MAP4K3: variants seen among roughly 807,000 people sequenced by gnomAD.
The protein encoded by MAP4K3 is mitogen-activated protein kinase kinase kinase kinase 3, also known as MAPK/ERK kinase kinase kinase 3.
A neutral mutation model predicts 143.5 loss-of-function variants in MAP4K3; 94 were observed. The observed-to-expected ratio is 0.65, with a 90% CI of 0.55 to 0.78. The LOEUF (loss-of-function observed/expected upper bound fraction) is 0.78, where lower values mean the gene tolerates loss of function less well. Ranked by LOEUF, MAP4K3 falls within the 30% of genes least tolerant of loss-of-function variation. The probability of loss-of-function intolerance (pLI) is 0.00; values close to 1 mark genes in which losing one functional copy is unlikely to be tolerated. For synonymous variants in MAP4K3, 416 were observed against 347.2 expected (o/e 1.20, Z -2.20); for missense variants, 1,077 against 1,068.1 (o/e 1.01, Z -0.12).
intron 7 of MAP4K3, 68 bp from the exon 8 acceptor site, chr2:39,332,057 A>G: frequency 1.2e-6 from 1 of 841,256 alleles, no homozygotes; most frequent in Non-Finnish European, 1.8e-6. Flanking sequence ...CAACATAAAA[A>G]GAAACTTTTA....
intron 21 of MAP4K3, among the ~76,000 whole-genome samples, chr2:39,284,239 G>A (rs1482362992): frequency 2.0e-5 from 3 of 151,940 alleles, no homozygotes; most frequent in Non-Finnish European, 2.9e-5. Flanking sequence ...TCGGGTCACT[G>A]CAACCTCTGC....
chr2:39,287,118 G>C (rs538024500), intron 20 of MAP4K3, among the ~76,000 whole-genome samples, 154 bp from the exon 21 acceptor site: 1 of 152,080 alleles, frequency 6.6e-6, no homozygotes, highest in African/African-American at 2.4e-5. Flanking sequence ...AAAGTAAGAC[G>C]TCATTTATAT....
At position 39,413,017 on chromosome 2, in the gene MAP4K3, G is replaced by C. The variant is rs550209741; in HGVS notation, c.96+23875C>G. Among the ~76,000 whole-genome samples the C allele has an allele frequency of 5.7e-4, 86 of 152,194 alleles. 1 individual carries two copies. Among genetic ancestry groups the C allele is most frequent in the Non-Finnish European group, 9.3e-4 (63 of 68,002 alleles). ...ATTGTCTATTACATGCAACTAACTT[G>C]TCTACCTCACTGAAGTGACTAACGA... is the stretch of plus-strand genomic sequence containing the variant. On this transcript the variant is annotated intron_variant, in intron 1 of 33. Coordinates refer to ENST00000263881, the MANE Select transcript of MAP4K3 (RefSeq NM_003618.4).
Position 39,272,483 on chromosome 2 carries a change from A to C in MAP4K3, c.1854T>G (p.Ser618=). The C allele has an allele frequency of 6.2e-7, 1 of 1,612,140 alleles. No homozygotes were observed. Among genetic ancestry groups the C allele is most frequent in the Non-Finnish European group, 8.5e-7 (1 of 1,178,364 alleles). The change falls in exon 25 of 34, where the codon TCT becomes TCG. Residue 618 remains serine, a splice_region_variant and synonymous_variant. Coordinates refer to ENST00000263881, the MANE Select transcript of MAP4K3 (RefSeq NM_003618.4). ...YVMNNCLLSI[S]GKASQLYSHN... ...GTATTTAAAAACTAATATACTTACCAGATATTGATAGCAAGCAATTGTTCA... is the reference window on the plus strand; with the variant it reads ...GTATTTAAAAACTAATATACTTACCCGATATTGATAGCAAGCAATTGTTCA...
intron 6 of MAP4K3, among the ~76,000 whole-genome samples, chr2:39,333,891 A>G (rs938468574): frequency 2.6e-5 from 4 of 152,030 alleles, no homozygotes; most frequent in Admixed American, 6.6e-5. Context: ...TCACCACACT[A>G]TAATGTAACC....
chr2:39,419,930 C>G (rs1037533810), intron 1 of MAP4K3, among the ~76,000 whole-genome samples: 11 of 152,114 alleles, frequency 7.2e-5, no homozygotes, highest in African/African-American at 2.4e-4. Context: ...CAGGCAAAAG[C>G]AAGGTATGGA....
chr2:39,365,168 G>A (rs946537100), intron 2 of MAP4K3, among the ~76,000 whole-genome samples: 1 of 152,092 alleles, frequency 6.6e-6, no homozygotes, highest in East Asian at 1.9e-4. Context: ...CTATACTAGA[G>A]TCAGGCTGGA....
At chr2:39,315,562 T>C in intron 12 of MAP4K3, 174 bp from the exon 13 acceptor site, 1 of 533,182 alleles carries the variant, frequency 1.9e-6, no homozygotes, top group African/African-American at 1.9e-5. Flanking sequence ...GCTCAAACTA[T>C]TAGGTGAAAA....
Position 39,272,332 on chromosome 2 carries a change from A to G in MAP4K3, c.1924T>C (p.Leu642=), listed in dbSNP as rs2148454954. Residue 642 remains leucine, a synonymous_variant, in exon 26 of 34, where the codon TTA becomes CTA. Coordinates refer to ENST00000263881, the MANE Select transcript of MAP4K3 (RefSeq NM_003618.4). ...LFDYARQMQK[L]PVAIPAHKLP... is the part of the protein sequence containing the mutation. ...TTGTGTGCTGGAATAGCAACAGGTA[A>G]CTTTTGCATTTGTCTTGCATAATCA... 2 of 1,613,876 alleles carry G rather than the reference A, an allele frequency of 1.2e-6. No individual in the cohort carries two copies. Among genetic ancestry groups the G allele is most frequent in the South Asian group, 2.2e-5 (2 of 91,078 alleles).
At chr2:39,262,085 G>A (rs946398805) in intron 28 of MAP4K3, among the ~76,000 whole-genome samples, 2 of 152,074 alleles carry the variant, frequency 1.3e-5, no homozygotes, top group African/African-American at 4.8e-5. Context: ...TAAACTGGCT[G>A]TGTTTTCACT....
intron 1 of MAP4K3, among the ~76,000 whole-genome samples, chr2:39,421,298 T>G (rs1279172160): frequency 6.6e-6 from 1 of 150,488 alleles, no homozygotes; most frequent in Non-Finnish European, 1.5e-5. Context: ...GCATGGGTTC[T>G]GGAAGTAAGA....
rs970989538 is a variant in MAP4K3 at position 39,250,416 on chromosome 2, A to T, written c.*202T>A. 15 of 513,744 alleles carry T rather than the reference A, an allele frequency of 2.9e-5. 1 individual carries two copies. The South Asian group carries it at 3.2e-4, about 11-fold the overall frequency. 31.8% of individuals were successfully genotyped at this position (513,744 alleles called of 1,614,324 possible). A position where few individuals can be genotyped will look rare whatever the true frequency, so the allele number is the denominator to read the frequency against. Reference sequence around the variant, plus strand: ...ATGTACAAAGATTACATAACAATGAATTAAGCACTTGTGTGGTTCAATATG... The same window carrying T: ...ATGTACAAAGATTACATAACAATGATTTAAGCACTTGTGTGGTTCAATATG... On this transcript the variant is annotated 3_prime_UTR_variant, in exon 34 of 34. Coordinates refer to ENST00000263881, the MANE Select transcript of MAP4K3 (RefSeq NM_003618.4).
At chr2:39,385,600 T>C (rs1666482589) in intron 1 of MAP4K3, among the ~76,000 whole-genome samples, 1 of 133,238 alleles carries the variant, frequency 7.5e-6, no homozygotes, top group South Asian at 2.4e-4. Flanking sequence ...ATATTCTATA[T>C]ATGAGTCCTT....
At chr2:39,323,820 C>T (rs933854802) in intron 12 of MAP4K3, 8 of 152,006 alleles carry the variant, frequency 5.3e-5, no homozygotes, top group East Asian at 3.9e-4. Flanking sequence ...CATTAACTCT[C>T]GATGATTCTA....
chr2:39,361,882 G>A (rs1665781510), intron 2 of MAP4K3, among the ~76,000 whole-genome samples: 1 of 151,924 alleles, frequency 6.6e-6, no homozygotes, highest in Admixed American at 6.6e-5. Flanking sequence ...TCATGAAGAT[G>A]TTAAACATGT....
chr2:39,263,163 A>G (rs1443343570), intron 28 of MAP4K3, among the ~76,000 whole-genome samples: 2 of 152,200 alleles, frequency 1.3e-5, no homozygotes, highest in African/African-American at 4.8e-5. Flanking sequence ...AAGAATATAG[A>G]AAGCGTAACA....
At chr2:39,382,078 T>C (rs956284097) in intron 1 of MAP4K3, among the ~76,000 whole-genome samples, 31 of 152,328 alleles carry the variant, frequency 2.0e-4, no homozygotes, top group African/African-American at 7.2e-4. Context: ...TGTACCAGAA[T>C]TTAGTTTGAT....
chr2:39,366,863 G>GA (rs1665938507), intron 2 of MAP4K3, among the ~76,000 whole-genome samples: 2 of 152,138 alleles, frequency 1.3e-5, no homozygotes, highest in South Asian at 2.1e-4. Context: ...CATAAAATTA[G>GA]AAAAAACTTT....
intron 4 of MAP4K3, among the ~76,000 whole-genome samples, chr2:39,338,608 T>A (rs1217157076): frequency 6.6e-6 from 1 of 152,226 alleles, no homozygotes; most frequent in Admixed American, 6.5e-5. Context: ...TTTACATCAA[T>A]ATATAGGTCT....
Sources: gnomAD v4.1 joint callset for allele counts (sites outside exome capture counted in the v4.1 genomes callset) on GRCh38, gnomAD v4.1.1 for gene constraint, MANE v1.5 for transcripts, NCBI Gene and HGNC (gene_info 2026-07-23, HGNC 2026-07-21) for gene names.